Variants in ARMC9 observed in about 807,000 individuals in gnomAD.
ARMC9 encodes armadillo repeat containing 9, also known as lisH domain-containing protein ARMC9.
ARMC9 carries 94 observed loss-of-function variants against 107.0 expected under a neutral mutation model. The observed-to-expected ratio is 0.88, with a 90% CI of 0.74 to 1.04. The LOEUF (loss-of-function observed/expected upper bound fraction) is 1.04. ARMC9 is among the 50% of genes least tolerant of loss of function. The pLI is 0.00. For missense variants in ARMC9, 942 were observed against 1,030.1 expected, an observed-to-expected ratio of 0.91 and a Z score of 1.17; for synonymous variants, 380 against 396.9, an observed-to-expected ratio of 0.96 and a Z score of 0.51.
chr2:231,350,254 T>C (rs149687212), intron 21 of ARMC9, among the ~76,000 whole-genome samples: 12,181 of 151,744 alleles, frequency 0.08, 1,442 homozygotes, highest in African/African-American at 0.26. Context: ...TTGAACTCCT[T>C]ACCTCAGGCG....
intron 19 of ARMC9, among the ~76,000 whole-genome samples, chr2:231,317,717 TC>T (rs1344928037): frequency 6.6e-6 from 1 of 152,214 alleles, no homozygotes; most frequent in African/African-American, 2.4e-5. Flanking sequence ...CTGGATACTT[TC>T]TGTTGATCGT....
At chr2:231,272,306 G>A (rs779685026) in intron 13 of ARMC9, among the ~76,000 whole-genome samples, 24 of 148,008 alleles carry the variant, frequency 1.6e-4, no homozygotes, top group African/African-American at 4.7e-4. Flanking sequence ...TACTCCTCGC[G>A]CCTCAGCCCC....
intron 19 of ARMC9, among the ~76,000 whole-genome samples, chr2:231,312,116 T>G (rs2042387112): frequency 6.6e-6 from 1 of 152,222 alleles, no homozygotes; most frequent in Non-Finnish European, 1.5e-5. Flanking sequence ...TGGGTTGGCT[T>G]GGCAGGTCCT....
chr2:231,277,985 T>C (rs192884558), intron 15 of ARMC9, among the ~76,000 whole-genome samples: 1 of 152,314 alleles, frequency 6.6e-6, no homozygotes, highest in East Asian at 1.9e-4. Context: ...ATGGTCTTCC[T>C]GATGGTGGTG....
chr2:231,246,273 A>G (rs78862163), intron 9 of ARMC9, among the ~76,000 whole-genome samples: 3,951 of 152,276 alleles, frequency 0.026, 171 homozygotes, highest in African/African-American at 0.09. Context: ...ATTACATGTC[A>G]CTGGGATTTG....
chr2:231,352,707 ATGATAGG>A lies in ARMC9; in HGVS notation c.1995-3089_1995-3083del, dbSNP rs1168723907. On this transcript the variant is annotated intron_variant, in intron 21 of 24. Coordinates refer to ENST00000611582, the MANE Select transcript of ARMC9 (RefSeq NM_001352754.2). ...GATAGATAGATAGATAGATAGATAG[ATGATAGG>A]TAGGTAGATAGATGGATAGAAGATA... 1.3e-3 allele frequency among the ~76,000 whole-genome samples: 192 copies of A among 148,456 alleles called. 7 individuals carry two copies. Among genetic ancestry groups the A allele is most frequent in the Admixed American group, 0.012 (175 of 14,802 alleles).
At chr2:231,320,603 G>A (rs756320035) in intron 19 of ARMC9, among the ~76,000 whole-genome samples, 12 of 150,748 alleles carry the variant, frequency 8.0e-5, no homozygotes, top group Non-Finnish European at 1.3e-4. Context: ...CTTTTCTTCC[G>A]TATAGTGTCC....
At chr2:231,267,559 T>A (rs573125265) in intron 12 of ARMC9, among the ~76,000 whole-genome samples, 1 of 152,266 alleles carries the variant, frequency 6.6e-6, no homozygotes, top group African/African-American at 2.4e-5. Flanking sequence ...CTAAGGGCAA[T>A]GGTGAGCTGC....
chr2:231,274,405 C>T (rs1176994291), intron 14 of ARMC9, among the ~76,000 whole-genome samples: 3 of 152,104 alleles, frequency 2.0e-5, no homozygotes, highest in South Asian at 2.1e-4. Context: ...TGTGAGCCAC[C>T]GCGCCCGGCC....
At chr2:231,315,040 A>G (rs2042583367) in intron 19 of ARMC9, among the ~76,000 whole-genome samples, 1 of 152,108 alleles carries the variant, frequency 6.6e-6, no homozygotes, top group African/African-American at 2.4e-5. Flanking sequence ...GGAGTTCAAG[A>G]CCAGCCTGAC....
chr2:231,292,795 C>G (rs1269629938), intron 18 of ARMC9, among the ~76,000 whole-genome samples: 1 of 152,248 alleles, frequency 6.6e-6, no homozygotes, highest in Non-Finnish European at 1.5e-5. Context: ...AAGAGTGAGT[C>G]TCAAGAGAGC....
At chr2:231,247,688 T>C (rs2036904116) in intron 9 of ARMC9, among the ~76,000 whole-genome samples, 1 of 152,180 alleles carries the variant, frequency 6.6e-6, no homozygotes, top group African/African-American at 2.4e-5. Context: ...CCCAGCACTT[T>C]GGGAGGCCGA....
At chr2:231,332,759 C>T (rs949911368) in intron 20 of ARMC9, among the ~76,000 whole-genome samples, 1 of 152,166 alleles carries the variant, frequency 6.6e-6, no homozygotes, top group African/African-American at 2.4e-5. Flanking sequence ...GAGCAATTGC[C>T]AGGAACCAGG....
intron 20 of ARMC9, among the ~76,000 whole-genome samples, chr2:231,343,494 CACAT>C (rs1459174138): frequency 1.3e-5 from 2 of 152,030 alleles, no homozygotes; most frequent in Non-Finnish European, 2.9e-5. Context: ...AGGCGCCCTT[CACAT>C]AATTTCCCCT....
chr2:231,273,103 G>A (rs2039482186), intron 14 of ARMC9, 25 bp downstream of exon 14: 2 of 1,602,684 alleles, frequency 1.2e-6, no homozygotes, highest in African/African-American at 2.7e-5. Context: ...ATAGGTCACG[G>A]TGTCTCCTGT....
chr2:231,335,002 C>T (rs2043992019), intron 20 of ARMC9, among the ~76,000 whole-genome samples: 1 of 152,164 alleles, frequency 6.6e-6, no homozygotes, highest in African/African-American at 2.4e-5. Context: ...GCAGATTTTT[C>T]AAGATGACTC....
At position 231,268,927 on chromosome 2, in the gene ARMC9, C is replaced by G. The variant is rs945400840; in HGVS notation, c.1120-2055C>G. 2.0e-5 allele frequency among the ~76,000 whole-genome samples: 3 copies of G among 152,136 alleles called. No individual in the cohort carries two copies. The East Asian group carries it at 5.8e-4, about 29-fold the overall frequency. On this transcript the variant is annotated intron_variant, in intron 12 of 24. Transcript: ENST00000611582. ...AAAAAATTCTTTTAAATTAACCAGG[C>G]ATGTTGGCGTGCACCTGTAGTCCCA...
intron 20 of ARMC9, among the ~76,000 whole-genome samples, chr2:231,339,570 G>A (rs1329019870): frequency 6.6e-6 from 1 of 152,118 alleles, no homozygotes; most frequent in Non-Finnish European, 1.5e-5. Context: ...TCAGAGTGCT[G>A]GGATAACAGG....
At chr2:231,262,071 C>G (rs1032415015) in intron 11 of ARMC9, among the ~76,000 whole-genome samples, 2 of 152,132 alleles carry the variant, frequency 1.3e-5, no homozygotes, top group African/African-American at 4.8e-5. Flanking sequence ...ATCCACCTGC[C>G]TCGGCCTCCC....
Sources: gnomAD v4.1 joint callset for allele counts (sites outside exome capture counted in the v4.1 genomes callset) on GRCh38, gnomAD v4.1.1 for gene constraint, MANE v1.5 for transcripts, NCBI Gene and HGNC (gene_info 2026-07-23, HGNC 2026-07-21) for gene names.